Variants in SYNE1 observed in about 807,000 individuals in gnomAD.
The protein encoded by SYNE1 is spectrin repeat containing nuclear envelope protein 1, also known as nesprin-1.
Under a neutral mutation model 1,111.0 loss-of-function variants are expected in SYNE1, and 616 were observed. That is an observed-to-expected ratio of 0.55 (90% CI 0.52 to 0.59). SYNE1 has a LOEUF of 0.59. Ranked by LOEUF, SYNE1 falls within the 20% of genes least tolerant of loss-of-function variation. SYNE1 has a pLI of 0.00. For synonymous variants in SYNE1, 3,855 were observed against 3,825.8 expected, an observed-to-expected ratio of 1.01 and a Z score of -0.28; for missense variants, 10,006 against 10,417.0, an observed-to-expected ratio of 0.96 and a Z score of 1.72.
At chr6:152,530,172 G>A (rs939571963) in intron 4 of SYNE1, among the ~76,000 whole-genome samples, 19 of 152,174 alleles carry the variant, frequency 1.2e-4, no homozygotes, top group South Asian at 6.2e-4. Flanking sequence ...TCTGAGCACC[G>A]CAGGCCTGCT....
chr6:152,367,143 A>G (rs369498989), intron 62 of SYNE1, 75 bp downstream of exon 62: 9 of 1,550,152 alleles, frequency 5.8e-6, no homozygotes, highest in Middle Eastern at 1.7e-4. Flanking sequence ...TCATCACCCC[A>G]GGTGGATGGA....
At chr6:152,575,860 A>G (rs1162790349) in intron 3 of SYNE1, among the ~76,000 whole-genome samples, 3 of 152,236 alleles carry the variant, frequency 2.0e-5, no homozygotes, top group Non-Finnish European at 4.4e-5. Context: ...ATGCTACATT[A>G]TTACTTTCTA....
intron 105 of SYNE1, among the ~76,000 whole-genome samples, chr6:152,248,712 A>T (rs1562491234): frequency 6.6e-6 from 1 of 152,036 alleles, no homozygotes; most frequent in Non-Finnish European, 1.5e-5. Flanking sequence ...CTTTACCGTG[A>T]TATCTTTCTT....
intron 103 of SYNE1, 140 bp downstream of exon 103, chr6:152,255,451 T>C: frequency 9.8e-7 from 1 of 1,022,516 alleles, no homozygotes; most frequent in Middle Eastern, 3.0e-4. Flanking sequence ...CTATAAATAT[T>C]CTGCATTTAA....
chr6:152,377,833 G>A (rs146222587), intron 56 of SYNE1, among the ~76,000 whole-genome samples: 148 of 151,592 alleles, frequency 9.8e-4, no homozygotes, highest in African/African-American at 3.0e-3. Context: ...TGTTTACCGT[G>A]TGCCAAGCAT....
intron 14 of SYNE1, chr6:152,481,165 C>G (rs536443909): frequency 1.9e-5 from 4 of 210,558 alleles, no homozygotes; most frequent in African/African-American, 9.3e-5. Context: ...CATTGTCTGG[C>G]ATTTTCTCTG....
chr6:152,278,439 G>A (rs1363843036), intron 97 of SYNE1, among the ~76,000 whole-genome samples, 159 bp from the exon 98 acceptor site: 3 of 151,876 alleles, frequency 2.0e-5, no homozygotes, highest in Non-Finnish European at 4.4e-5. Flanking sequence ...TAAGTAGTCT[G>A]TAGGCTTTTT....
chr6:152,234,825 T>C (rs771107852), intron 110 of SYNE1, 25 bp from the exon 111 acceptor site: 4 of 1,613,410 alleles, frequency 2.5e-6, no homozygotes, highest in Non-Finnish European at 3.4e-6. Flanking sequence ...ATGGAGTCCA[T>C]TAAGTAAACA....
At position 152,323,742 on chromosome 6, in the gene SYNE1, T is replaced by C. The variant is rs1209317210; in HGVS notation, c.15658-5A>G. ...CATTTCAGTGGCCTTTTTAACCTGA[T>C]GACAAATGTACATACTATGAAGTTC... is the stretch of plus-strand genomic sequence containing the variant. On this transcript the variant is annotated splice_region_variant and splice_polypyrimidine_tract_variant and intron_variant, in intron 81 of 145. Coordinates refer to ENST00000367255, the MANE Select transcript of SYNE1 (RefSeq NM_182961.4). The C allele has an allele frequency of 6.2e-7, 1 of 1,614,092 alleles. No homozygotes were observed. The highest frequency in any genetic ancestry group is 1.1e-5 in the South Asian group (1 of 91,088).
chr6:152,415,546 A>G (rs907595512), intron 41 of SYNE1, among the ~76,000 whole-genome samples: 1 of 152,146 alleles, frequency 6.6e-6, no homozygotes, highest in African/African-American at 2.4e-5. Context: ...AGAGGCTCTC[A>G]GCCACCAAGG....
intron 3 of SYNE1, among the ~76,000 whole-genome samples, chr6:152,585,284 C>T (rs962854027): frequency 2.6e-5 from 4 of 152,202 alleles, no homozygotes; most frequent in South Asian, 2.1e-4. Flanking sequence ...ATTACCCAGT[C>T]TCAGGTATGT....
chr6:152,152,293 G>T, intron 133 of SYNE1, 152 bp from the exon 134 acceptor site: 2 of 736,760 alleles, frequency 2.7e-6, no homozygotes, highest in Non-Finnish European at 2.3e-6. Context: ...ACTTCCCCTT[G>T]TTAATGCAAA....
At chr6:152,578,982 C>T (rs1323320008) in intron 3 of SYNE1, among the ~76,000 whole-genome samples, 1 of 152,060 alleles carries the variant, frequency 6.6e-6, no homozygotes, top group African/African-American at 2.4e-5. Context: ...TGGCTATAAC[C>T]AAGAAATGCA....
At chr6:152,444,696 C>A in intron 29 of SYNE1, 118 bp from the exon 30 acceptor site, 1 of 877,650 alleles carries the variant, frequency 1.1e-6, no homozygotes, top group Admixed American at 2.6e-5. Context: ...AGGTGTACTA[C>A]GTGACTGTGA....
chr6:152,559,455 A>T lies in SYNE1; in HGVS notation c.68-19434T>A, dbSNP rs1050671458. Reference sequence around the variant, plus strand: ...ATGTCTTCTCTTTTCTGACCACAAAAAAACATAAAACAAGAGATCAGTAAT... The same window carrying T: ...ATGTCTTCTCTTTTCTGACCACAAATAAACATAAAACAAGAGATCAGTAAT... On this transcript the variant is annotated intron_variant, in intron 3 of 145. Transcript: ENST00000367255. Among the ~76,000 whole-genome samples the T allele has an allele frequency of 6.6e-5, 10 of 152,314 alleles. No homozygotes were observed. In the South Asian group the frequency reaches 2.1e-3, roughly 32 times the overall value.
chr6:152,462,831 G>A lies in SYNE1; in HGVS notation c.2157C>T (p.Thr719=), dbSNP rs770615480. ...GGGCTTCCGTTGCAAAAGCAGACAGGGTAACAACACAGTCTGTGTATTCCT... is the reference window on the plus strand; with the variant it reads ...GGGCTTCCGTTGCAAAAGCAGACAGAGTAACAACACAGTCTGTGTATTCCT... The part of the protein sequence containing the change: ...MKKEYTDCVV[T]LSAFATEAHK... Residue 719 remains threonine, a synonymous_variant, in exon 20 of 146, where the codon ACC becomes ACT. Transcript: ENST00000367255. 1.9e-6 allele frequency: 3 copies of A among 1,613,800 alleles called. No individual in the cohort carries two copies. The highest frequency in any genetic ancestry group is 2.2e-5 in the South Asian group (2 of 91,070).
intron 101 of SYNE1, among the ~76,000 whole-genome samples, chr6:152,260,742 C>G (rs949190469): frequency 6.6e-6 from 1 of 151,800 alleles, no homozygotes; most frequent in Non-Finnish European, 1.5e-5. Context: ...AACTGTTCCA[C>G]CTCAGATCAT....
At chr6:152,525,293 C>T (rs1005511427) in intron 5 of SYNE1, among the ~76,000 whole-genome samples, 1 of 151,950 alleles carries the variant, frequency 6.6e-6, no homozygotes, top group African/African-American at 2.4e-5. Flanking sequence ...GTCATTATTG[C>T]CAAGATACAA....
intron 130 of SYNE1, among the ~76,000 whole-genome samples, chr6:152,175,405 T>C (rs1247419579): frequency 6.6e-6 from 1 of 152,204 alleles, no homozygotes; most frequent in Admixed American, 6.5e-5. Flanking sequence ...GCAGAGGACA[T>C]TGTTTCACGT....
Sources: allele counts gnomAD v4.1 joint callset (sites outside exome capture counted in the v4.1 genomes callset), GRCh38; gene constraint gnomAD v4.1.1; transcripts MANE v1.5; gene names NCBI Gene and HGNC (gene_info 2026-07-23, HGNC 2026-07-21).